Variants in RGS1 observed in about 807,000 individuals in gnomAD.
The protein encoded by RGS1 is regulator of G protein signaling 1.
In RGS1, 11 loss-of-function variants were observed where a neutral mutation model predicts 22.2. That is an observed-to-expected ratio of 0.50 (90% confidence interval 0.31 to 0.82). RGS1 has a LOEUF of 0.82. Among genes scored for constraint, RGS1 ranks in the 40% least tolerant of loss-of-function variants. The probability of loss-of-function intolerance (pLI) is 0.04; values close to 1 mark genes in which losing one functional copy is unlikely to be tolerated. For missense variants in RGS1, 255 were observed against 245.8 expected (o/e 1.04, Z -0.25); for synonymous variants, 81 against 79.9 (o/e 1.01, Z -0.07).
In RGS1 at chr1:192,579,186, C is replaced by T. The variant is rs2102320611; in HGVS notation, c.494C>T (p.Ala165Val). The T allele has an allele frequency of 6.2e-7, 1 of 1,613,282 alleles. No homozygotes were observed. Among genetic ancestry groups the T allele is most frequent in the South Asian group, 1.1e-5 (1 of 91,054 alleles). ...TRESTAKKIK[A>V]PTPTCFDEAQ... is the part of the protein sequence containing the mutation. ...GAATCTACAGCCAAGAAGATTAAAG[C>T]ACCAACCCCCACGTGTTTTGATGAA... Residue 165 changes from alanine (A) to valine (V), a missense_variant, in exon 5 of 5, where the codon GCA (alanine) becomes GTA (valine). Physicochemically the swap from Ala to Val is moderately conservative, Grantham distance 64 (BLOSUM62 0). Coordinates refer to ENST00000367459, the MANE Select transcript of RGS1 (RefSeq NM_002922.4).
chr1:192,577,332 A>C (rs189594272), intron 3 of RGS1: 1 of 152,686 alleles, frequency 6.5e-6, no homozygotes, highest in East Asian at 1.9e-4. Flanking sequence ...TACTGCCTTG[A>C]AGGTGGTTGA....
chr1:192,576,452 T>G (rs1039848628), intron 2 of RGS1, 87 bp downstream of exon 2: 10 of 931,744 alleles, frequency 1.1e-5, no homozygotes, highest in Non-Finnish European at 1.5e-5. Context: ...GGATAAATAC[T>G]GCGCACAGTA....
intron 3 of RGS1, 88 bp downstream of exon 3, chr1:192,576,923 T>C (rs939701058): frequency 4.3e-6 from 5 of 1,161,760 alleles, no homozygotes; most frequent in East Asian, 2.4e-5. Flanking sequence ...CTGGGTAGGA[T>C]AGTATGCAAA....
At position 192,579,155 on chromosome 1, in the gene RGS1, A is replaced by T. The variant is rs754783085; in HGVS notation, c.463A>T (p.Thr155Ser). 1 of 1,612,558 alleles carries T rather than the reference A, an allele frequency of 6.2e-7. No homozygotes were observed. The highest frequency in any genetic ancestry group is 1.1e-5 in the South Asian group (1 of 90,876). The change falls in exon 5 of 5, where the codon ACT becomes TCT. Residue 155 changes from threonine (T) to serine (S), a missense_variant. By Grantham distance (58) the Thr-to-Ser change is moderately conservative. Coordinates refer to ENST00000367459, the MANE Select transcript of RGS1 (RefSeq NM_002922.4). ...TTTTTAGATCAATATTGACTTCCGC[A>T]CTCGAGAATCTACAGCCAAGAAGAT... ...AAKQINIDFR[T>S]RESTAKKIKA... is the part of the protein sequence containing the mutation.
rs772479640 is a variant in RGS1, at chr1:192,575,854, C to T, written c.62C>T (p.Ala21Val). 6.2e-7 allele frequency: 1 copy of T among 1,613,448 alleles called. No individual in the cohort carries two copies. The highest frequency in any genetic ancestry group is 1.7e-5 in the Admixed American group (1 of 59,936). The part of the protein sequence containing the change: ...LDKMPGMFFS[A>V]NPKELKGTTH... ...AAAATGCCAGGAATGTTCTTCTCTG[C>T]TAACCCAAAGGAATTGAAAGGAACC... The change falls in exon 1 of 5, where the codon GCT becomes GTT. Residue 21 changes from alanine to valine, a missense_variant. Coordinates refer to ENST00000367459, the MANE Select transcript of RGS1 (RefSeq NM_002922.4).
At chr1:192,576,871 A>G in intron 3 of RGS1, 36 bp downstream of exon 3, 1 of 1,552,512 alleles carries the variant, frequency 6.4e-7, no homozygotes, top group Non-Finnish European at 8.9e-7. Context: ...GGGTTCAGCT[A>G]AATACTCTAA....
Position 192,578,100 on chromosome 1 carries a change from T to C in RGS1, c.281-122T>C, listed in dbSNP as rs1055055040. The C allele has an allele frequency of 4.1e-5, 48 of 1,162,272 alleles. No homozygotes were observed. The African/African-American group carries it at 7.1e-4, about 17-fold the overall frequency. 72.0% of individuals were successfully genotyped at this position (1,162,272 alleles called of 1,614,324 possible). The stretch of plus-strand genomic sequence containing the variant: ...AACACAGCTATTTCAGCAGTAGCTG[T>C]CTCTTACCTTTGTATGAATAGGAAG... On this transcript the variant is annotated intron_variant, in intron 3 of 4. Transcript: ENST00000367459.
intron 2 of RGS1, 52 bp from the exon 3 acceptor site, chr1:192,576,722 T>G (rs1662066305): frequency 6.8e-7 from 1 of 1,463,154 alleles, no homozygotes; most frequent in Non-Finnish European, 9.5e-7. Flanking sequence ...TTATTTCATT[T>G]GTGCTTACAT....
rs371471835 is a variant in RGS1 at position 192,575,897 on chromosome 1, C to T, written c.105C>T (p.Asp35=). The T allele has an allele frequency of 4.9e-5, 79 of 1,612,988 alleles. No individual in the cohort carries two copies. Among genetic ancestry groups the T allele is most frequent in the Admixed American group, 1.2e-4 (7 of 59,900 alleles). ...AAGGAACCACTCATTCACTTCTAGA[C>T]GACAAAATGCAAAAAAGGAGGCCAA... is the stretch of plus-strand genomic sequence containing the variant. The part of the protein sequence containing the change: ...ELKGTTHSLL[D]DKMQKRRPKT... Residue 35 remains aspartate (D), a synonymous_variant, in exon 1 of 5, where the codon GAC becomes GAT. Coordinates refer to ENST00000367459, the MANE Select transcript of RGS1 (RefSeq NM_002922.4).
At chr1:192,578,807 A>G (rs1662110091) in intron 4 of RGS1, 1 of 357,888 alleles carries the variant, frequency 2.8e-6, no homozygotes. Flanking sequence ...ATCAACAAAA[A>G]GAGCCTTCTT....
intron 2 of RGS1, 56 bp from the exon 3 acceptor site, chr1:192,576,718 C>T: frequency 7.0e-7 from 1 of 1,434,766 alleles, no homozygotes. Flanking sequence ...ATTCTTATTT[C>T]ATTTGTGCTT....
chr1:192,576,217 T>A (rs1394042920), intron 1 of RGS1, 68 bp from the exon 2 acceptor site: 83 of 1,296,140 alleles, frequency 6.4e-5, no homozygotes, highest in Non-Finnish European at 9.9e-6. Context: ...AGAAATTTAT[T>A]CTATGTCTTT....
At chr1:192,577,225 A>G (rs16834436) in intron 3 of RGS1, 3,503 of 166,562 alleles carry the variant, frequency 0.021, 117 homozygotes, top group East Asian at 0.11. Context: ...CATTCATTCA[A>G]TTAATTAAAT....
rs552494830 is a variant in RGS1, at chr1:192,579,448, T to C, written c.*126T>C. ...TGACAGGCCAAGAAGAACAAATGAC[T>C]CAGAATGGATTAACATGAAAGTTAT... is the stretch of plus-strand genomic sequence containing the variant. On this transcript the variant is annotated 3_prime_UTR_variant, in exon 5 of 5. Transcript: ENST00000367459. The C allele has an allele frequency of 3.4e-5, 27 of 792,784 alleles. No homozygotes were observed. The African/African-American group carries it at 4.4e-4, about 13-fold the overall frequency. 49.1% of individuals were successfully genotyped at this position (792,784 alleles called of 1,614,324 possible). A position where few individuals can be genotyped will look rare whatever the true frequency, so the allele number is the denominator to read the frequency against.
chr1:192,579,385 G>T lies in RGS1; in HGVS notation c.*63G>T. The T allele has an allele frequency of 6.6e-7, 1 of 1,518,104 alleles. No homozygotes were observed. Among genetic ancestry groups the T allele is most frequent in the Non-Finnish European group, 9.0e-7 (1 of 1,112,250 alleles). 94.0% of individuals were successfully genotyped at this position (1,518,104 alleles called of 1,614,324 possible). A position where few individuals can be genotyped will look rare whatever the true frequency, so the allele number is the denominator to read the frequency against. On this transcript the variant is annotated 3_prime_UTR_variant, in exon 5 of 5. Transcript: ENST00000367459. ...AGCGCAGAAGGAATGTGCCAGTATG[G>T]CTCCCTGGGTGAACAGCTTGGCCTT...
At chr1:192,576,059 G>A in intron 1 of RGS1, 130 bp downstream of exon 1, 1 of 1,088,742 alleles carries the variant, frequency 9.2e-7, no homozygotes, top group Non-Finnish European at 1.3e-6. Context: ...TGCCTGTTGT[G>A]AGTAATAAGT....
At position 192,579,638 on chromosome 1, in the gene RGS1, G is replaced by A. The variant is rs1296269716; in HGVS notation, c.*316G>A. 3 of 253,836 alleles carry A rather than the reference G, an allele frequency of 1.2e-5. No homozygotes were observed. Among genetic ancestry groups the A allele is most frequent in the Admixed American group, 1.1e-4 (2 of 18,952 alleles). 15.7% of individuals were successfully genotyped at this position (253,836 alleles called of 1,614,324 possible). A position where few individuals can be genotyped will look rare whatever the true frequency, so the allele number is the denominator to read the frequency against. ...TAGTTACACAGAAACTGTGACTAAA[G>A]TCTATGAAACTGATTACAACAGACT... On this transcript the variant is annotated 3_prime_UTR_variant, in exon 5 of 5. Coordinates refer to ENST00000367459, the MANE Select transcript of RGS1 (RefSeq NM_002922.4).
chr1:192,579,058 G>T (rs984599136), intron 4 of RGS1, 79 bp from the exon 5 acceptor site: 9 of 1,369,468 alleles, frequency 6.6e-6, no homozygotes, highest in South Asian at 1.4e-5. Context: ...TACTTTCTGA[G>T]GTGTTTCAAA....
At chr1:192,578,990 C>G in intron 4 of RGS1, 147 bp from the exon 5 acceptor site, 1 of 723,614 alleles carries the variant, frequency 1.4e-6, no homozygotes, top group Non-Finnish European at 2.3e-6. Context: ...TAGTATAGAG[C>G]TGATTTTACA....
Sources: gnomAD v4.1 joint callset for allele counts on GRCh38, gnomAD v4.1.1 for gene constraint, MANE v1.5 for transcripts, NCBI Gene and HGNC (gene_info 2026-07-23, HGNC 2026-07-21) for gene names.